The following NUBP1 variants were observed in gnomAD, a reference collection of about 807,000 sequenced individuals.
NUBP1 encodes NUBP iron-sulfur cluster assembly factor 1, cytosolic.
NUBP1 carries 46 observed loss-of-function variants against 41.8 expected under a neutral mutation model. That is an observed-to-expected ratio of 1.10 (90% CI 0.87 to 1.41). The LOEUF (loss-of-function observed/expected upper bound fraction) is 1.41. NUBP1 is among the 40% of genes most tolerant of loss of function. NUBP1 has a pLI of 0.00. For synonymous variants in NUBP1, 189 were observed against 154.6 expected, an observed-to-expected ratio of 1.22 and a Z score of -1.65; for missense variants, 494 against 414.0, an observed-to-expected ratio of 1.19 and a Z score of -1.68.
rs1368274552 is a variant in NUBP1, at chr16:10,767,032, G to A, written c.821-917G>A. 1.0e-5 allele frequency: 4 copies of A among 398,570 alleles called. No individual in the cohort carries two copies. Among genetic ancestry groups the A allele is most frequent in the South Asian group, 2.5e-4 (2 of 7,848 alleles). The allele number at this position is 398,570 out of a possible 1,614,324, so 24.7% of individuals were successfully genotyped here. On this transcript the variant is annotated intron_variant, in intron 9 of 10. Coordinates refer to ENST00000283027, the MANE Select transcript of NUBP1 (RefSeq NM_002484.4). This position sits in a 1 kb window ranked among gnomAD's most constrained non-coding sequence, Gnocchi z 4.6. ...CTTGGACTTCCCTGTCCCACAGGGC[G>A]ACACAGTAGTGAAGTTGAGGAAATG...
chr16:10,755,610 G>A (rs1900510938), intron 4 of NUBP1, 111 bp from the exon 5 acceptor site: 1 of 1,154,172 alleles, frequency 8.7e-7, no homozygotes, highest in African/African-American at 1.5e-5. Context: ...GTAAGACAAT[G>A]AATTATATTT....
rs886795301 is a variant in NUBP1 at position 10,765,660 on chromosome 16, C to T, written c.821-2289C>T. ...GGCTTTTCTTCCAAAGAGCCAGCAA[C>T]CTCCATCTTCCCACCTCCCTCACAC... On this transcript the variant is annotated intron_variant, in intron 9 of 10. Coordinates refer to ENST00000283027, the MANE Select transcript of NUBP1 (RefSeq NM_002484.4). The surrounding 1 kb of genome is among the most constrained non-coding windows in gnomAD (Gnocchi z 4.0). Among the ~76,000 whole-genome samples, 1 of 152,192 alleles carries T rather than the reference C, an allele frequency of 6.6e-6. No individual in the cohort carries two copies. The highest frequency in any genetic ancestry group is 1.5e-5 in the Non-Finnish European group (1 of 68,028).
intron 3 of NUBP1, among the ~76,000 whole-genome samples, chr16:10,751,436 G>A (rs1900311736): frequency 6.6e-6 from 1 of 152,194 alleles, no homozygotes; most frequent in Admixed American, 6.5e-5. Context: ...CTGGTCTGTG[G>A]ATGGCGTTTT....
rs1437041105 is a variant in NUBP1, at chr16:10,749,004, T to C, written c.258+1728T>C. ...TACTCGGGAGGCCGAGGCATGAGAA[T>C]CGTTTGAACCCAGGAGGCGGAGGTC... is the stretch of plus-strand genomic sequence containing the variant. On this transcript the variant is annotated intron_variant, in intron 3 of 10. Coordinates refer to ENST00000283027, the MANE Select transcript of NUBP1 (RefSeq NM_002484.4). The surrounding 1 kb of genome is among the most constrained non-coding windows in gnomAD (Gnocchi z 4.1). 6.6e-6 allele frequency among the ~76,000 whole-genome samples: 1 copy of C among 151,604 alleles called. No individual in the cohort carries two copies. The highest frequency in any genetic ancestry group is 6.6e-5 in the Admixed American group (1 of 15,222).
chr16:10,761,136 A>G, intron 7 of NUBP1: 1 of 428,316 alleles, frequency 2.3e-6, no homozygotes, highest in Non-Finnish European at 4.3e-6. Flanking sequence ...CCCATGATCC[A>G]ATCACCTCCC....
intron 4 of NUBP1, among the ~76,000 whole-genome samples, chr16:10,754,297 C>A (rs1481673282): frequency 6.6e-6 from 1 of 151,886 alleles, no homozygotes; most frequent in Non-Finnish European, 1.5e-5. Flanking sequence ...GGCTGGAGTG[C>A]AGTGTCGCGA....
intron 4 of NUBP1, among the ~76,000 whole-genome samples, chr16:10,754,367 T>G (rs1900459621): frequency 6.6e-6 from 1 of 152,050 alleles, no homozygotes; most frequent in Non-Finnish European, 1.5e-5. Flanking sequence ...CTCAGCCTCC[T>G]GAATAGCTGG....
chr16:10,744,127 TG>T, intron 2 of NUBP1, 62 bp downstream of exon 2: 1 of 841,504 alleles, frequency 1.2e-6, no homozygotes. Flanking sequence ...AGGCGGGGCG[TG>T]GGAGGGAGGG....
Position 10,767,843 on chromosome 16 carries a change from G to A in NUBP1, c.821-106G>A. Reference sequence around the variant, plus strand: ...TTGTTCTTCATTACGAGTGAAGCGGGCTCAAGATCTTCCCATTGTCACCAG... The same window carrying A: ...TTGTTCTTCATTACGAGTGAAGCGGACTCAAGATCTTCCCATTGTCACCAG... On this transcript the variant is annotated intron_variant, in intron 9 of 10. Transcript: ENST00000283027. This position sits in a 1 kb window ranked among gnomAD's most constrained non-coding sequence, Gnocchi z 4.6. 3 of 1,029,866 alleles carry A rather than the reference G, an allele frequency of 2.9e-6. No individual in the cohort carries two copies. Among genetic ancestry groups the A allele is most frequent in the South Asian group, 1.3e-5 (1 of 76,148 alleles). The allele number at this position is 1,029,866 out of a possible 1,614,324, so 63.8% of individuals were successfully genotyped here.
chr16:10,760,965 G>C (rs941219199), intron 7 of NUBP1: 2 of 195,062 alleles, frequency 1.0e-5, no homozygotes, highest in South Asian at 9.8e-5. Flanking sequence ...TGGCTGGGAA[G>C]GCCCCAGGAA....
chr16:10,763,643 G>C (rs1377043764), intron 9 of NUBP1: 2 of 152,398 alleles, frequency 1.3e-5, no homozygotes, highest in Non-Finnish European at 2.9e-5. Context: ...GAATGGATGT[G>C]ATTGGGGACA....
At position 10,759,636 on chromosome 16, in the gene NUBP1, C is replaced by A. The variant is rs535961374; in HGVS notation, c.606+1609C>A. Among the ~76,000 whole-genome samples, 5 of 152,154 alleles carry A rather than the reference C, an allele frequency of 3.3e-5. No homozygotes were observed. Among genetic ancestry groups the A allele is most frequent in the African/African-American group, 1.2e-4 (5 of 41,522 alleles). ...CAAAAAAATACAAAAATTAGCCAGG[C>A]GTGGTGGTGGGCACCTGTAATCCCA... On this transcript the variant is annotated intron_variant, in intron 7 of 10. Coordinates refer to ENST00000283027, the MANE Select transcript of NUBP1 (RefSeq NM_002484.4). The surrounding 1 kb of genome is among the most constrained non-coding windows in gnomAD (Gnocchi z 4.7).
intron 2 of NUBP1, among the ~76,000 whole-genome samples, chr16:10,745,381 G>T (rs534498007): frequency 6.6e-6 from 1 of 152,240 alleles, no homozygotes; most frequent in East Asian, 1.9e-4. Context: ...CTTGAACCCG[G>T]GAGGTGGAGG....
chr16:10,764,848 T>TCG (rs58740091), intron 9 of NUBP1, among the ~76,000 whole-genome samples: 1 of 29,218 alleles, frequency 3.4e-5, no homozygotes, highest in African/African-American at 1.3e-4. Context: ...TTGGAGCATC[T>TCG]GTCTGCTGGA....
Position 10,767,354 on chromosome 16 carries a change from A to G in NUBP1, c.821-595A>G. ...AATGGCCACATGGCGGGGAAAGACT[A>G]GCAGACTGATAGACACCAGCACAGA... On this transcript the variant is annotated intron_variant, in intron 9 of 10. Transcript: ENST00000283027. The surrounding 1 kb of genome is among the most constrained non-coding windows in gnomAD (Gnocchi z 4.6). 2.5e-6 allele frequency: 1 copy of G among 399,704 alleles called. No homozygotes were observed. The highest frequency in any genetic ancestry group is 4.4e-6 in the Non-Finnish European group (1 of 226,886). 24.8% of individuals were successfully genotyped at this position (399,704 alleles called of 1,614,324 possible).
rs187598449 is a variant in NUBP1, at chr16:10,755,371, G to A, written c.328-350G>A. 3.2e-3 allele frequency among the ~76,000 whole-genome samples: 490 copies of A among 152,204 alleles called. 3 individuals carry two copies. The highest frequency in any genetic ancestry group is 0.011 in the African/African-American group (452 of 41,520). The stretch of plus-strand genomic sequence containing the variant: ...GTGCTTTTACAAAAGCCACCTCATT[G>A]CTCCACAGGTATCTGCATTTTCTCA... On this transcript the variant is annotated intron_variant, in intron 4 of 10. Transcript: ENST00000283027.
chr16:10,744,740 C>T (rs1332837656), intron 2 of NUBP1, among the ~76,000 whole-genome samples: 1 of 151,912 alleles, frequency 6.6e-6, no homozygotes, highest in African/African-American at 2.4e-5. Context: ...GGCAGGAGGA[C>T]AATATTTTTT....
chr16:10,745,261 G>C (rs1418298995), intron 2 of NUBP1, among the ~76,000 whole-genome samples: 1 of 151,574 alleles, frequency 6.6e-6, no homozygotes, highest in Non-Finnish European at 1.5e-5. Context: ...TTGAGGTCAG[G>C]AGTTCGAGAC....
chr16:10,762,078 A>G, intron 9 of NUBP1: 1 of 490,020 alleles, frequency 2.0e-6, no homozygotes, highest in Admixed American at 3.4e-5. Context: ...GGCCTCAGGC[A>G]GAGGGGTGAG....
Sources: allele counts gnomAD v4.1 joint callset (sites outside exome capture counted in the v4.1 genomes callset), GRCh38; gene constraint gnomAD v4.1.1; non-coding constraint Gnocchi (gnomAD v3.1); transcripts MANE v1.5; gene names NCBI Gene and HGNC (gene_info 2026-07-23, HGNC 2026-07-21).